CENPV: variants seen among roughly 807,000 people sequenced by gnomAD.
The protein encoded by CENPV is nuclear protein p30.
A neutral mutation model predicts 26.4 loss-of-function variants in CENPV; 15 were observed. That is an observed-to-expected ratio of 0.57 (90% CI 0.38 to 0.88). The LOEUF (loss-of-function observed/expected upper bound fraction) is 0.88, where lower values mean the gene tolerates loss of function less well. Ranked by LOEUF, CENPV falls within the 40% of genes least tolerant of loss-of-function variation. CENPV has a pLI of 0.00. For missense variants in CENPV, 336 were observed against 376.5 expected, an observed-to-expected ratio of 0.89 and a Z score of 0.89; for synonymous variants, 172 against 165.5, an observed-to-expected ratio of 1.04 and a Z score of -0.30.
Position 16,353,246 on chromosome 17 carries a change from C to T in CENPV, c.191G>A (p.Arg64Lys), listed in dbSNP as rs1320635955. 1 of 1,412,774 alleles carries T rather than the reference C, an allele frequency of 7.1e-7. No individual in the cohort carries two copies. The allele number at this position is 1,412,774 out of a possible 1,614,324, so 87.5% of individuals were successfully genotyped here. A position where few individuals can be genotyped will look rare whatever the true frequency, so the allele number is the denominator to read the frequency against. ...EKPPSEKPRL[R>K]RSSPRAQEEG... ...CTCCTGGGCCCGCGGCGACGAGCGC[C>T]TCAGCCGCGGCTTCTCCGACGGCGG... The change falls in exon 1 of 5, where the codon AGG becomes AAG. Residue 64 changes from arginine (R) to lysine (K), a missense_variant. By Grantham distance (26) the Arg-to-Lys change is conservative. Coordinates refer to ENST00000299736, the MANE Select transcript of CENPV (RefSeq NM_181716.3).
chr17:16,352,835 C>T (rs2093233664), intron 1 of CENPV, among the ~76,000 whole-genome samples, 192 bp downstream of exon 1: 2 of 151,816 alleles, frequency 1.3e-5, no homozygotes, highest in South Asian at 4.1e-4. Context: ...GCCCTAGAAG[C>T]ACCGCCCCGC....
Position 16,353,309 on chromosome 17 carries a change from G to C in CENPV, c.128C>G (p.Ala43Gly), listed in dbSNP as rs2093235385. 1 of 1,400,530 alleles carries C rather than the reference G, an allele frequency of 7.1e-7. No individual in the cohort carries two copies. The highest frequency in any genetic ancestry group is 9.3e-7 in the Non-Finnish European group (1 of 1,075,554). The allele number at this position is 1,400,530 out of a possible 1,614,324, so 86.8% of individuals were successfully genotyped here. A position where few individuals can be genotyped will look rare whatever the true frequency, so the allele number is the denominator to read the frequency against. Residue 43 changes from alanine to glycine, a missense_variant, in exon 1 of 5, where the codon GCT (alanine) becomes GGT (glycine). Coordinates refer to ENST00000299736, the MANE Select transcript of CENPV (RefSeq NM_181716.3). ...APSATRTRRS[A>G]SQAGSKSQAV... Reference sequence around the variant, plus strand: ...CTGGCTCTTGCTCCCGGCCTGGCTAGCGGAGCGCCGTGTGCGGGTGGCGCT... The same window carrying C: ...CTGGCTCTTGCTCCCGGCCTGGCTACCGGAGCGCCGTGTGCGGGTGGCGCT...
intron 2 of CENPV, chr17:16,348,939 C>CCTG: frequency 8.0e-7 from 1 of 1,242,932 alleles, no homozygotes; most frequent in Non-Finnish European, 1.0e-6. Context: ...CAGGTCTGTA[C>CCTG]TGCCCACCCC....
At chr17:16,344,765 A>AATTT (rs533107813) in intron 3 of CENPV, 54 bp from the exon 4 acceptor site, 191 of 955,606 alleles carry the variant, frequency 2.0e-4, no homozygotes, top group Middle Eastern at 9.2e-4. Context: ...TTATTTATTT[A>AATTT]ATTTATTTAT....
chr17:16,350,807 TCAA>T (rs2093225551), intron 1 of CENPV: 1 of 152,202 alleles, frequency 6.6e-6, no homozygotes, highest in Non-Finnish European at 1.5e-5. Flanking sequence ...GACTGTGTAC[TCAA>T]TCAAGTCCAG....
chr17:16,343,823 A>G (rs192182521), intron 4 of CENPV, among the ~76,000 whole-genome samples: 1 of 151,032 alleles, frequency 6.6e-6, no homozygotes, highest in Admixed American at 6.6e-5. Flanking sequence ...TGACAGTCAT[A>G]GCTGCTCTCG....
rs1764031137 is a variant in CENPV at position 16,353,074 on chromosome 17, C to T, written c.363G>A (p.Arg121=). Residue 121 remains arginine, a synonymous_variant, in exon 1 of 5, where the codon CGG becomes CGA. Transcript: ENST00000299736. ...CGGCACCCTCGGAGGTAAGCTTCTG[C>T]CGCTTCTGGAACGTCTCCCAGCGCT... ...QRERWETFQK[R]QKLTSEGAAK... is the part of the protein sequence containing the mutation. 1.3e-6 allele frequency: 2 copies of T among 1,578,916 alleles called. No homozygotes were observed. The highest frequency in any genetic ancestry group is 1.7e-6 in the Non-Finnish European group (2 of 1,163,846).
chr17:16,346,581 T>C (rs1308716182), intron 3 of CENPV, among the ~76,000 whole-genome samples: 4 of 152,070 alleles, frequency 2.6e-5, no homozygotes, highest in Non-Finnish European at 5.9e-5. Context: ...TGAAACCCTG[T>C]CTGTACTAAA....
At chr17:16,345,261 C>CAAA (rs1180328905) in intron 3 of CENPV, among the ~76,000 whole-genome samples, 6 of 45,284 alleles carry the variant, frequency 1.3e-4, no homozygotes, top group African/African-American at 2.5e-4. Context: ...GACTCCGTCT[C>CAAA]AAAAAAAAAA....
At chr17:16,350,341 T>C (rs577255459) in intron 1 of CENPV, among the ~76,000 whole-genome samples, 82 of 151,752 alleles carry the variant, frequency 5.4e-4, no homozygotes, top group African/African-American at 1.9e-3. Context: ...TGTCAAATAC[T>C]AAATTTTTTT....
intron 2 of CENPV, chr17:16,349,024 C>G: frequency 9.8e-7 from 1 of 1,023,012 alleles, no homozygotes; most frequent in Non-Finnish European, 1.2e-6. Context: ...CTGCTACAAC[C>G]TGATGTCTCT....
chr17:16,345,612 T>A (rs2093203417), intron 3 of CENPV, among the ~76,000 whole-genome samples: 1 of 151,962 alleles, frequency 6.6e-6, no homozygotes, highest in Non-Finnish European at 1.5e-5. Context: ...ATTTCCTATC[T>A]CCAGAAGAGA....
Position 16,353,193 on chromosome 17 carries a change from C to G in CENPV, c.244G>C (p.Glu82Gln), listed in dbSNP as rs754056268. The stretch of plus-strand genomic sequence containing the variant: ...GGCGGTGGCGGGAGCAACGCCAGCT[C>G]AGGCGGCGGCGGCTCCCCCGGGCCC... ...EEGPGEPPPP[E>Q]LALLPPPPPP... is the part of the protein sequence containing the mutation. Residue 82 changes from glutamate (E) to glutamine (Q), a missense_variant, in exon 1 of 5, where the codon GAG becomes CAG. Coordinates refer to ENST00000299736, the MANE Select transcript of CENPV (RefSeq NM_181716.3). The G allele has an allele frequency of 3.1e-5, 43 of 1,372,792 alleles. No homozygotes were observed. The highest frequency in any genetic ancestry group is 3.9e-5 in the Non-Finnish European group (42 of 1,069,142). The allele number at this position is 1,372,792 out of a possible 1,614,324, so 85.0% of individuals were successfully genotyped here.
intron 1 of CENPV, chr17:16,350,813 A>T (rs1301256061): frequency 6.6e-6 from 1 of 152,230 alleles, no homozygotes; most frequent in Non-Finnish European, 1.5e-5. Context: ...GTACTCAATC[A>T]AGTCCAGAGG....
intron 1 of CENPV, among the ~76,000 whole-genome samples, chr17:16,352,478 ACCTCCGCCC>A (rs2093232585): frequency 6.6e-6 from 1 of 151,092 alleles, no homozygotes; most frequent in South Asian, 2.1e-4. Flanking sequence ...CGGATCAATA[ACCTCCGCCC>A]CCTGCTCCCT....
Position 16,353,430 on chromosome 17 carries a change from G to T in CENPV, c.7C>A (p.Arg3=). 1 of 1,152,740 alleles carries T rather than the reference G, an allele frequency of 8.7e-7. No homozygotes were observed. The highest frequency in any genetic ancestry group is 1.1e-6 in the Non-Finnish European group (1 of 938,652). 71.4% of individuals were successfully genotyped at this position (1,152,740 alleles called of 1,614,324 possible). Residue 3 remains arginine (R), a synonymous_variant, in exon 1 of 5, where the codon CGA becomes AGA. Coordinates refer to ENST00000299736, the MANE Select transcript of CENPV (RefSeq NM_181716.3). MR[R]SRSSAAAKLR... ...TTGGCGGCCGCAGAGCTCCTCGATC[G>T]CCGCATGGCTCCCGCAGCCTGGCGC...
In CENPV at chr17:16,346,917, G is replaced by A. The variant is rs186169101; in HGVS notation, c.579+1699C>T. ...CCAGGCTGGAGTGCAGTGGTATGAC[G>A]ACAGCTTACTGCAGCCTTGACCTCC... On this transcript the variant is annotated intron_variant, in intron 3 of 4. Coordinates refer to ENST00000299736, the MANE Select transcript of CENPV (RefSeq NM_181716.3). Among the ~76,000 whole-genome samples, 87 of 151,436 alleles carry A rather than the reference G, an allele frequency of 5.7e-4. 1 individual carries two copies. Among genetic ancestry groups the A allele is most frequent in the Admixed American group, 4.5e-3 (69 of 15,178 alleles).
intron 1 of CENPV, among the ~76,000 whole-genome samples, chr17:16,352,251 T>C (rs1391938321): frequency 1.3e-5 from 2 of 152,182 alleles, no homozygotes; most frequent in Admixed American, 6.5e-5. Context: ...CAGATCGCAT[T>C]TGGAGAAAAG....
chr17:16,342,732 T>G lies in CENPV; in HGVS notation c.*85A>C. On this transcript the variant is annotated 3_prime_UTR_variant, in exon 5 of 5. Coordinates refer to ENST00000299736, the MANE Select transcript of CENPV (RefSeq NM_181716.3). ...AACCAGCAGCCCAGGTCAGCCACATTCAGGAGCACCACCGAGGCACGGCAG... is the reference window on the plus strand; with the variant it reads ...AACCAGCAGCCCAGGTCAGCCACATGCAGGAGCACCACCGAGGCACGGCAG... 3.2e-6 allele frequency: 5 copies of G among 1,552,958 alleles called. No individual in the cohort carries two copies. Among genetic ancestry groups the G allele is most frequent in the Non-Finnish European group, 4.4e-6 (5 of 1,129,932 alleles).
Sources: allele counts gnomAD v4.1 joint callset (sites outside exome capture counted in the v4.1 genomes callset), GRCh38; gene constraint gnomAD v4.1.1; transcripts MANE v1.5; gene names NCBI Gene and HGNC (gene_info 2026-07-23, HGNC 2026-07-21).